The following DMC1 variants were observed in gnomAD, a reference collection of about 807,000 sequenced individuals.
The protein encoded by DMC1 is DNA meiotic recombinase 1.
In DMC1, 27 loss-of-function variants were observed where a neutral mutation model predicts 50.1. That is an observed-to-expected ratio of 0.54 (90% CI 0.40 to 0.74). The LOEUF (loss-of-function observed/expected upper bound fraction) is 0.74. Ranked by LOEUF, DMC1 falls within the 30% of genes least tolerant of loss-of-function variation. The pLI is 0.00. For missense variants in DMC1, 295 were observed against 420.2 expected, an observed-to-expected ratio of 0.70 and a Z score of 2.60; for synonymous variants, 148 against 136.1, an observed-to-expected ratio of 1.09 and a Z score of -0.61.
At chr22:38,534,921 G>A (rs1293243982) in intron 12 of DMC1, among the ~76,000 whole-genome samples, 3 of 151,884 alleles carry the variant, frequency 2.0e-5, no homozygotes, top group Admixed American at 1.3e-4. Flanking sequence ...CAGGAGAATT[G>A]CTTGAACCCA....
intron 8 of DMC1, 128 bp downstream of exon 8, chr22:38,549,797 C>A: frequency 1.4e-6 from 1 of 696,118 alleles, no homozygotes; most frequent in Non-Finnish European, 2.5e-6. Context: ...AATTGTTTTC[C>A]CTTTGGTTTG....
chr22:38,567,630 A>G lies in DMC1; in HGVS notation c.52-3T>C, dbSNP rs371865473. The G allele has an allele frequency of 1.2e-6, 2 of 1,603,418 alleles. No individual in the cohort carries two copies. Among genetic ancestry groups the G allele is most frequent in the African/African-American group, 2.7e-5 (2 of 74,680 alleles). ...TCAATATCTTGAAACAAAGATTCCT[A>G]AAGGAGATGAAACAGAAAAAATGAA... On this transcript the variant is annotated splice_region_variant and splice_polypyrimidine_tract_variant and intron_variant, in intron 2 of 13. Coordinates refer to ENST00000216024, the MANE Select transcript of DMC1 (RefSeq NM_007068.4).
At chr22:38,548,004 T>C (rs561546277) in intron 8 of DMC1, among the ~76,000 whole-genome samples, 22 of 152,364 alleles carry the variant, frequency 1.4e-4, no homozygotes, top group African/African-American at 5.3e-4. Flanking sequence ...GTGTGTAACA[T>C]TGCTGACAAC....
At chr22:38,530,294 G>C (rs976762860) in intron 12 of DMC1, among the ~76,000 whole-genome samples, 1 of 151,978 alleles carries the variant, frequency 6.6e-6, no homozygotes, top group Admixed American at 6.6e-5. Context: ...GGAAGATGGG[G>C]GAAAGGGGAG....
At chr22:38,563,800 C>T (rs909476460) in intron 4 of DMC1, among the ~76,000 whole-genome samples, 2 of 151,720 alleles carry the variant, frequency 1.3e-5, no homozygotes, top group Non-Finnish European at 2.9e-5. Flanking sequence ...CCTGGGTTCA[C>T]GCCATTCTCC....
At chr22:38,569,009 C>A (rs1487858296) in intron 1 of DMC1, among the ~76,000 whole-genome samples, 1 of 151,852 alleles carries the variant, frequency 6.6e-6, no homozygotes, top group Non-Finnish European at 1.5e-5. Context: ...TGGCCAATCC[C>A]CGTCTCTACT....
At position 38,566,570 on chromosome 22, in the gene DMC1, A is replaced by G. The variant is rs367794393; in HGVS notation, c.243+20T>C. The G allele has an allele frequency of 1.9e-5, 31 of 1,613,906 alleles. No individual in the cohort carries two copies. The African/African-American group carries it at 3.5e-4, about 18-fold the overall frequency. ...CAAGGCCCTGCCAAGCTAAAACAGC[A>G]AAGAATGGATTTTGCTTACAATTAG... On this transcript the variant is annotated intron_variant, in intron 4 of 13. Coordinates refer to ENST00000216024, the MANE Select transcript of DMC1 (RefSeq NM_007068.4).
In DMC1 at chr22:38,519,789, AACAC is replaced by A. The variant is rs375080818; in HGVS notation, c.*227_*230del. 528 of 475,420 alleles carry A rather than the reference AACAC, an allele frequency of 1.1e-3. 5 individuals carry two copies. The highest frequency in any genetic ancestry group is 5.4e-3 in the African/African-American group (273 of 50,540). 29.5% of individuals were successfully genotyped at this position (475,420 alleles called of 1,614,324 possible). On this transcript the variant is annotated 3_prime_UTR_variant, in exon 14 of 14. Coordinates refer to ENST00000216024, the MANE Select transcript of DMC1 (RefSeq NM_007068.4). ...TATATATGTCAGGTATACACACACAAACACACACACACACAAACATACATATACA... is the reference window on the plus strand; with the variant it reads ...TATATATGTCAGGTATACACACACAAACACACACACAAACATACATATACA...
rs1288881385 is a variant in DMC1 at position 38,519,823 on chromosome 22, C to G, written c.*197G>C. The stretch of plus-strand genomic sequence containing the variant: ...ACACACAAACATACATATACATATC[C>G]CTGAATTTACATACAATGTATAGTT... On this transcript the variant is annotated 3_prime_UTR_variant, in exon 14 of 14. Coordinates refer to ENST00000216024, the MANE Select transcript of DMC1 (RefSeq NM_007068.4). The G allele has an allele frequency of 3.7e-6, 2 of 541,894 alleles. No individual in the cohort carries two copies. The highest frequency in any genetic ancestry group is 6.7e-6 in the Non-Finnish European group (2 of 296,634). The allele number at this position is 541,894 out of a possible 1,614,324, so 33.6% of individuals were successfully genotyped here. A position where few individuals can be genotyped will look rare whatever the true frequency, so the allele number is the denominator to read the frequency against.
chr22:38,520,379 T>G (rs1244449804), intron 13 of DMC1, among the ~76,000 whole-genome samples: 1 of 152,100 alleles, frequency 6.6e-6, no homozygotes, highest in Non-Finnish European at 1.5e-5. Context: ...TTAATTTTTT[T>G]TTTTTGGCGA....
chr22:38,523,659 G>A (rs1251582890), intron 12 of DMC1, among the ~76,000 whole-genome samples: 2 of 152,052 alleles, frequency 1.3e-5, no homozygotes, highest in Non-Finnish European at 2.9e-5. Context: ...TTTCAGCTAC[G>A]TGGGAGGCTG....
At chr22:38,566,504 C>T in intron 4 of DMC1, 86 bp downstream of exon 4, 1 of 1,475,586 alleles carries the variant, frequency 6.8e-7, no homozygotes, top group Non-Finnish European at 9.4e-7. Context: ...TCAGTTCCCA[C>T]AATAATTTCT....
intron 12 of DMC1, among the ~76,000 whole-genome samples, chr22:38,523,683 G>A (rs897069528): frequency 6.6e-6 from 1 of 152,036 alleles, no homozygotes; most frequent in Non-Finnish European, 1.5e-5. Context: ...CAGGAGAATC[G>A]CTTGAACTCG....
At chr22:38,527,353 C>T (rs1011071436) in intron 12 of DMC1, among the ~76,000 whole-genome samples, 7 of 151,736 alleles carry the variant, frequency 4.6e-5, no homozygotes, top group African/African-American at 1.2e-4. Flanking sequence ...TACAGGCGCC[C>T]GCCACCAAGC....
intron 6 of DMC1, 82 bp downstream of exon 6, chr22:38,555,275 A>AT (rs761391027): frequency 2.3e-6 from 2 of 859,530 alleles, no homozygotes; most frequent in Non-Finnish European, 3.8e-6. Flanking sequence ...TGTTTATTTA[A>AT]TTATATGTGT....
At chr22:38,525,073 ATAAAT>A (rs1473659227) in intron 12 of DMC1, among the ~76,000 whole-genome samples, 1 of 152,128 alleles carries the variant, frequency 6.6e-6, no homozygotes, top group Non-Finnish European at 1.5e-5. Flanking sequence ...AAATAAATAA[ATAAAT>A]TAATTAATTA....
chr22:38,539,290 A>T, intron 9 of DMC1, 31 bp downstream of exon 9: 1 of 1,504,096 alleles, frequency 6.6e-7, no homozygotes, highest in African/African-American at 1.4e-5. Context: ...CCTTACATTG[A>T]CCCAAGCATC....
chr22:38,520,507 G>C (rs763511867), intron 13 of DMC1, among the ~76,000 whole-genome samples: 116 of 152,098 alleles, frequency 7.6e-4, no homozygotes, highest in Middle Eastern at 3.4e-3. Context: ...ACAGGTGCCT[G>C]CCACCACGCC....
chr22:38,536,089 T>C (rs1485663391), intron 12 of DMC1, among the ~76,000 whole-genome samples: 1 of 151,388 alleles, frequency 6.6e-6, no homozygotes, highest in Non-Finnish European at 1.5e-5. Flanking sequence ...GGCGTGGCGA[T>C]GTGTGCCTCC....
Sources: allele counts gnomAD v4.1 joint callset (sites outside exome capture counted in the v4.1 genomes callset), GRCh38; gene constraint gnomAD v4.1.1; transcripts MANE v1.5; gene names NCBI Gene and HGNC (gene_info 2026-07-23, HGNC 2026-07-21).